Variants in ITPR2 observed in about 807,000 individuals in gnomAD.
ITPR2 encodes the protein inositol 1,4,5-trisphosphate-gated calcium channel ITPR2.
In ITPR2, 207 loss-of-function variants were observed where a neutral mutation model predicts 317.1. The observed-to-expected ratio is 0.65, with a 90% CI of 0.58 to 0.73. ITPR2 has a LOEUF of 0.73. Among genes scored for constraint, ITPR2 ranks in the 30% least tolerant of loss-of-function variants. The pLI is 0.00. For missense variants in ITPR2, 2,613 were observed against 3,284.0 expected (o/e 0.80, Z 4.99); for synonymous variants, 1,156 against 1,149.1 (o/e 1.01, Z -0.12).
chr12:26,714,718 T>A (rs73292364), intron 8 of ITPR2, among the ~76,000 whole-genome samples: 10,962 of 152,248 alleles, frequency 0.072, 981 homozygotes, highest in African/African-American at 0.22. Flanking sequence ...TCTTATCTCC[T>A]CCACATATAA....
intron 1 of ITPR2, among the ~76,000 whole-genome samples, chr12:26,811,036 C>CAAAAAGAAA (rs1950732093): frequency 9.2e-6 from 1 of 108,314 alleles, no homozygotes; most frequent in African/African-American, 3.9e-5. Flanking sequence ...TTTTAAGTTA[C>CAAAAAGAAA]AAAAAAAAAA....
intron 1 of ITPR2, among the ~76,000 whole-genome samples, chr12:26,821,697 T>C (rs73080702): frequency 0.017 from 2,577 of 152,350 alleles, 24 homozygotes; most frequent in Middle Eastern, 0.041. Context: ...CAAAGTGATA[T>C]CCAAGTATCC....
chr12:26,655,987 T>C lies in ITPR2; in HGVS notation c.2445-135A>G, dbSNP rs1246695238. The C allele has an allele frequency of 3.5e-6, 3 of 849,288 alleles. No individual in the cohort carries two copies. In the African/African-American group the frequency reaches 5.1e-5, roughly 14 times the overall value. The allele number at this position is 849,288 out of a possible 1,614,324, so 52.6% of individuals were successfully genotyped here. A position where few individuals can be genotyped will look rare whatever the true frequency, so the allele number is the denominator to read the frequency against. ...TTCCTAGAGGCTGGGTCCTCATCTG[T>C]AAAATGGGGCTATTGTGAAATGAGT... On this transcript the variant is annotated intron_variant, in intron 19 of 56. Transcript: ENST00000381340.
At chr12:26,369,386 T>G (rs564919272) in intron 55 of ITPR2, among the ~76,000 whole-genome samples, 319 of 152,320 alleles carry the variant, frequency 2.1e-3, no homozygotes, top group African/African-American at 7.1e-3. Flanking sequence ...AGGTGACAGT[T>G]GAAGGCTATC....
chr12:26,476,851 T>C (rs1942428092), intron 44 of ITPR2, 61 bp downstream of exon 44: 1 of 1,039,216 alleles, frequency 9.6e-7, no homozygotes, highest in Admixed American at 2.0e-5. Flanking sequence ...TGACATGCAT[T>C]CTCTAAATTT....
intron 52 of ITPR2, chr12:26,406,660 C>A (rs939213007): frequency 3.9e-5 from 6 of 152,030 alleles, no homozygotes; most frequent in Admixed American, 3.3e-4. Context: ...GTCATGGATG[C>A]ACACTAGGGT....
rs61670505 is a variant in ITPR2 at position 26,458,755 on chromosome 12, C to T, written c.6343-15105G>A. ...TTCCTTTTGGAGCTCATTTGTGAGC[C>T]CACTTGCAGCATCCATTTAGGATCT... On this transcript the variant is annotated intron_variant, in intron 45 of 56. Transcript: ENST00000381340. Among the ~76,000 whole-genome samples, 691 of 152,242 alleles carry T rather than the reference C, an allele frequency of 4.5e-3. 5 individuals carry two copies. The highest frequency in any genetic ancestry group is 0.016 in the African/African-American group (649 of 41,544).
chr12:26,367,822 T>C (rs748956603), intron 55 of ITPR2, among the ~76,000 whole-genome samples: 2 of 152,222 alleles, frequency 1.3e-5, no homozygotes, highest in Admixed American at 6.5e-5. Flanking sequence ...TTCTAGTTCT[T>C]CTTACACAGT....
intron 9 of ITPR2, among the ~76,000 whole-genome samples, chr12:26,706,640 C>A (rs1948558142): frequency 6.6e-6 from 1 of 152,136 alleles, no homozygotes; most frequent in Non-Finnish European, 1.5e-5. Context: ...GGCCACTATT[C>A]ATATTGCTAT....
At chr12:26,762,943 T>C (rs940996820) in intron 2 of ITPR2, among the ~76,000 whole-genome samples, 3 of 152,166 alleles carry the variant, frequency 2.0e-5, no homozygotes, top group South Asian at 2.1e-4. Flanking sequence ...GCAGTTGAAG[T>C]CACACTGCTA....
At chr12:26,500,057 G>GAT (rs1304449199) in intron 37 of ITPR2, among the ~76,000 whole-genome samples, 11 of 152,158 alleles carry the variant, frequency 7.2e-5, no homozygotes, top group African/African-American at 2.7e-4. Flanking sequence ...AAAAAATTCA[G>GAT]ATATTGCTAC....
At chr12:26,736,405 C>T (rs1299982752) in intron 2 of ITPR2, among the ~76,000 whole-genome samples, 2 of 151,884 alleles carry the variant, frequency 1.3e-5, no homozygotes, top group African/African-American at 4.8e-5. Context: ...TTTTTAAATC[C>T]AAACATCAAT....
chr12:26,823,146 A>G (rs1299105293), intron 1 of ITPR2, among the ~76,000 whole-genome samples: 2 of 152,158 alleles, frequency 1.3e-5, no homozygotes, highest in African/African-American at 4.8e-5. Flanking sequence ...GTACTGTTTT[A>G]ATCATCTTTT....
At chr12:26,812,094 C>T (rs552157926) in intron 1 of ITPR2, among the ~76,000 whole-genome samples, 8 of 147,854 alleles carry the variant, frequency 5.4e-5, no homozygotes, top group East Asian at 2.0e-4. Context: ...TCCCGGGAGG[C>T]GGAGGTTGCA....
chr12:26,668,818 A>G (rs1947685046), intron 13 of ITPR2, among the ~76,000 whole-genome samples: 1 of 151,398 alleles, frequency 6.6e-6, no homozygotes, highest in African/African-American at 2.4e-5. Context: ...AAAAAAAAAA[A>G]TCTGAGAGAT....
chr12:26,721,176 C>T (rs1948832367), intron 5 of ITPR2: 1 of 435,910 alleles, frequency 2.3e-6, no homozygotes, highest in Non-Finnish European at 4.1e-6. Flanking sequence ...CAGCACACAT[C>T]ACCTGATGTC....
intron 49 of ITPR2, among the ~76,000 whole-genome samples, chr12:26,426,871 TTA>T (rs1196532116): frequency 6.6e-6 from 1 of 150,614 alleles, no homozygotes; most frequent in African/African-American, 2.4e-5. Flanking sequence ...TTGTTAAATA[TTA>T]GTTATTATTA....
At chr12:26,751,327 C>T (rs1949412029) in intron 2 of ITPR2, among the ~76,000 whole-genome samples, 5 of 152,092 alleles carry the variant, frequency 3.3e-5, no homozygotes, top group South Asian at 4.2e-4. Flanking sequence ...CATGTACCCA[C>T]GAACCTAAAA....
chr12:26,652,266 C>T (rs1182530945), intron 21 of ITPR2, among the ~76,000 whole-genome samples: 1 of 152,226 alleles, frequency 6.6e-6, no homozygotes, highest in East Asian at 1.9e-4. Context: ...AGCATTTGCA[C>T]TGTCCCCTCG....
Sources: allele counts gnomAD v4.1 joint callset (sites outside exome capture counted in the v4.1 genomes callset), GRCh38; gene constraint gnomAD v4.1.1; transcripts MANE v1.5; gene names NCBI Gene and HGNC (gene_info 2026-07-23, HGNC 2026-07-21).